Variants in CADM2 observed in about 807,000 individuals in gnomAD.
CADM2 encodes the protein cell adhesion molecule 2.
A neutral mutation model predicts 49.8 loss-of-function variants in CADM2; 12 were observed. The observed-to-expected ratio is 0.24, with a 90% CI of 0.15 to 0.39. CADM2 has a LOEUF of 0.39. Ranked by LOEUF, CADM2 falls within the 10% of genes least tolerant of loss-of-function variation. CADM2 has a pLI of 1.00. For synonymous variants in CADM2, 214 were observed against 175.4 expected (o/e 1.22, Z -1.74); for missense variants, 378 against 492.3 (o/e 0.77, Z 2.20).
At chr3:85,836,592 G>A (rs1036904603) in intron 3 of CADM2, among the ~76,000 whole-genome samples, 3 of 151,536 alleles carry the variant, frequency 2.0e-5, no homozygotes, top group Admixed American at 6.6e-5. Flanking sequence ...CACTGGATGT[G>A]TGTGGCATAA....
chr3:85,300,095 C>T (rs2044058108), intron 1 of CADM2, among the ~76,000 whole-genome samples: 1 of 152,068 alleles, frequency 6.6e-6, no homozygotes, highest in South Asian at 2.1e-4. Flanking sequence ...TGTTTAACCG[C>T]ATTTTCAATT....
intron 1 of CADM2, among the ~76,000 whole-genome samples, chr3:85,552,644 T>C (rs1399588307): frequency 6.6e-6 from 1 of 151,830 alleles, no homozygotes; most frequent in East Asian, 1.9e-4. Flanking sequence ...CCTACCAAAG[T>C]GTTGGGATTA....
At chr3:85,022,686 T>C (rs1173902614) in intron 1 of CADM2, among the ~76,000 whole-genome samples, 7 of 152,134 alleles carry the variant, frequency 4.6e-5, no homozygotes, top group Non-Finnish European at 4.4e-5. Flanking sequence ...TGCATTTTTT[T>C]CCCTCCCTGC....
rs867015663 is a variant in CADM2, at chr3:85,880,723, T to C, written c.239-2568T>C. ...CTTGGGATCCTTTCAAGAAGTTTGT[T>C]TATATAGTTTTCATCTAGTTTTCAC... On this transcript the variant is annotated intron_variant, in intron 3 of 9. Transcript: ENST00000383699. Among the ~76,000 whole-genome samples, 43 of 152,304 alleles carry C rather than the reference T, an allele frequency of 2.8e-4. 2 individuals are homozygous for C. The Middle Eastern group carries it at 0.014, about 48-fold the overall frequency.
chr3:85,694,082 A>G (rs2066476269), intron 1 of CADM2, among the ~76,000 whole-genome samples: 1 of 152,094 alleles, frequency 6.6e-6, no homozygotes, highest in Non-Finnish European at 1.5e-5. Context: ...CTTTTTAAAG[A>G]TATCTACTCC....
At chr3:86,010,624 C>G (rs1022772960) in intron 8 of CADM2, among the ~76,000 whole-genome samples, 8 of 150,552 alleles carry the variant, frequency 5.3e-5, no homozygotes, top group African/African-American at 1.9e-4. Context: ...AACATTTTCA[C>G]TGGTGCAAAT....
chr3:85,939,147 G>A (rs1331729562), intron 7 of CADM2, among the ~76,000 whole-genome samples: 1 of 151,876 alleles, frequency 6.6e-6, no homozygotes, highest in East Asian at 1.9e-4. Context: ...GGGCCCCAGT[G>A]ACTGTTTATG....
chr3:85,209,262 GAGGA>G (rs964281888), intron 1 of CADM2, among the ~76,000 whole-genome samples: 1 of 152,114 alleles, frequency 6.6e-6, no homozygotes, highest in African/African-American at 2.4e-5. Context: ...GTTCAGATTT[GAGGA>G]AGGAAGAAAC....
intron 1 of CADM2, among the ~76,000 whole-genome samples, chr3:85,370,753 G>T (rs1379972907): frequency 6.6e-6 from 1 of 152,088 alleles, no homozygotes; most frequent in Non-Finnish European, 1.5e-5. Flanking sequence ...GCCTTCAGGA[G>T]GTGTTCCAGA....
At chr3:84,979,589 G>A (rs547797903) in intron 1 of CADM2, among the ~76,000 whole-genome samples, 10 of 151,752 alleles carry the variant, frequency 6.6e-5, no homozygotes, top group East Asian at 3.9e-4. Context: ...AAAAACTGTC[G>A]GCCTTAAGGG....
At chr3:85,219,878 C>A (rs1046094525) in intron 1 of CADM2, among the ~76,000 whole-genome samples, 1 of 152,040 alleles carries the variant, frequency 6.6e-6, no homozygotes, top group African/African-American at 2.4e-5. Context: ...TTTCATAATA[C>A]AACTGCATAC....
chr3:85,623,803 T>G (rs1371567187), intron 1 of CADM2, among the ~76,000 whole-genome samples: 3 of 152,188 alleles, frequency 2.0e-5, no homozygotes, highest in Non-Finnish European at 2.9e-5. Context: ...TCAAGAATAT[T>G]TTATTTTATG....
intron 1 of CADM2, among the ~76,000 whole-genome samples, chr3:84,996,487 A>T (rs1236851353): frequency 6.6e-6 from 1 of 152,116 alleles, no homozygotes; most frequent in East Asian, 1.9e-4. Context: ...GGAAAACTAA[A>T]TTCTGACAGC....
chr3:85,126,562 T>C (rs1223735004), intron 1 of CADM2, among the ~76,000 whole-genome samples: 1 of 152,186 alleles, frequency 6.6e-6, no homozygotes, highest in Admixed American at 6.5e-5. Flanking sequence ...CTTGGTCTTT[T>C]ATTTCATGCT....
chr3:85,732,582 G>A (rs554694631), intron 2 of CADM2, among the ~76,000 whole-genome samples: 86 of 152,102 alleles, frequency 5.7e-4, no homozygotes, highest in Non-Finnish European at 1.1e-3. Context: ...CTATATAATA[G>A]TGCAATAATG....
chr3:86,037,440 A>G lies in CADM2; in HGVS notation c.971-28165A>G, dbSNP rs1318531724. On this transcript the variant is annotated intron_variant, in intron 8 of 9. Transcript: ENST00000383699. ...GAGATGACAGCAGTGACTTTAAGAG[A>G]GGGGGGCAGGGCAAGCACTAAACTA... Among the ~76,000 whole-genome samples the G allele has an allele frequency of 2.6e-5, 4 of 152,066 alleles. No individual in the cohort carries two copies. The East Asian group carries it at 7.7e-4, about 29-fold the overall frequency.
chr3:85,036,799 C>A (rs569360679), intron 1 of CADM2, among the ~76,000 whole-genome samples: 8 of 151,530 alleles, frequency 5.3e-5, no homozygotes, highest in African/African-American at 1.7e-4. Context: ...AAAACTGAAC[C>A]CACCCTGTAA....
chr3:85,996,917 ACTT>A (rs1433723504), intron 8 of CADM2, among the ~76,000 whole-genome samples: 1 of 152,176 alleles, frequency 6.6e-6, no homozygotes, highest in Non-Finnish European at 1.5e-5. Context: ...CTGTTCTTAC[ACTT>A]CTTCATCATT....
At chr3:85,581,336 A>G (rs2062789987) in intron 1 of CADM2, among the ~76,000 whole-genome samples, 1 of 152,160 alleles carries the variant, frequency 6.6e-6, no homozygotes, top group African/African-American at 2.4e-5. Flanking sequence ...ATTGAGACCT[A>G]CGGGAATAAA....
Sources: allele counts gnomAD v4.1 joint callset (sites outside exome capture counted in the v4.1 genomes callset), GRCh38; gene constraint gnomAD v4.1.1; transcripts MANE v1.5; gene names NCBI Gene and HGNC (gene_info 2026-07-23, HGNC 2026-07-21).